ZNF346: variants seen among roughly 807,000 people sequenced by gnomAD.
ZNF346 encodes double-stranded RNA-binding zinc finger protein JAZ.
Under a neutral mutation model 33.7 loss-of-function variants are expected in ZNF346, and 23 were observed. That is an observed-to-expected ratio of 0.68 (90% CI 0.49 to 0.97). ZNF346 has a LOEUF of 0.97. Ranked by LOEUF, ZNF346 falls within the 50% of genes least tolerant of loss-of-function variation. The pLI, the probability that ZNF346 is intolerant of heterozygous loss-of-function variation, is 0.00. For synonymous variants in ZNF346, 134 were observed against 142.4 expected (o/e 0.94, Z 0.42); for missense variants, 340 against 371.1 (o/e 0.92, Z 0.69).
At chr5:177,030,013 T>C (rs1004680563) in intron 1 of ZNF346, among the ~76,000 whole-genome samples, 1 of 152,168 alleles carries the variant, frequency 6.6e-6, no homozygotes, top group Non-Finnish European at 1.5e-5. Flanking sequence ...ATTGAGTGCT[T>C]GGTTTCTGGG....
chr5:177,022,861 G>A lies in ZNF346; in HGVS notation c.123G>A (p.Ala41=). Reference sequence around the variant, plus strand: ...GGGTGCGCTTTGACCGCGAGAGGGCGCGCCGCCTGTGGGAAGCCGTGTCCG... The same window carrying A: ...GGGTGCGCTTTGACCGCGAGAGGGCACGCCGCCTGTGGGAAGCCGTGTCCG... The part of the protein sequence containing the change: ...PDGVRFDRER[A]RRLWEAVSGA... Residue 41 remains alanine (A), a synonymous_variant, in exon 1 of 7, where the codon GCG becomes GCA. Coordinates refer to ENST00000358149, the MANE Select transcript of ZNF346 (RefSeq NM_012279.4). The A allele has an allele frequency of 6.5e-7, 1 of 1,527,472 alleles. No homozygotes were observed. The highest frequency in any genetic ancestry group is 1.2e-5 in the South Asian group (1 of 81,500). 94.6% of individuals were successfully genotyped at this position (1,527,472 alleles called of 1,614,324 possible).
intron 5 of ZNF346, chr5:177,052,655 G>A: frequency 6.6e-6 from 1 of 152,196 alleles, no homozygotes. Context: ...CCTATCAGCA[G>A]AATTTAGACC....
At chr5:177,036,652 A>G (rs1430162834) in intron 1 of ZNF346, among the ~76,000 whole-genome samples, 2 of 152,084 alleles carry the variant, frequency 1.3e-5, no homozygotes, top group Non-Finnish European at 2.9e-5. Flanking sequence ...AACCATGAGC[A>G]CACCTCCGGC....
intron 5 of ZNF346, among the ~76,000 whole-genome samples, chr5:177,059,164 A>G (rs769557433): frequency 1.3e-4 from 20 of 152,248 alleles, no homozygotes; most frequent in Non-Finnish European, 2.6e-4. Flanking sequence ...GGCTTGGGCT[A>G]GGTGCTCTCA....
At chr5:177,057,612 C>T (rs895970868) in intron 5 of ZNF346, among the ~76,000 whole-genome samples, 9 of 151,696 alleles carry the variant, frequency 5.9e-5, no homozygotes, top group African/African-American at 2.2e-4. Flanking sequence ...GTGGTGTGCA[C>T]CTGTAATCCC....
chr5:177,028,041 T>A (rs1777062951), intron 1 of ZNF346, among the ~76,000 whole-genome samples: 1 of 8,936 alleles, frequency 1.1e-4, no homozygotes, highest in African/African-American at 3.8e-4. Flanking sequence ...CTTGTGTCAC[T>A]TTTTTTTTTT....
downstream of ZNF346, among the ~76,000 whole-genome samples, chr5:177,070,772 G>A (rs371454321): frequency 2.6e-3 from 390 of 152,064 alleles, 2 homozygotes; most frequent in Middle Eastern, 0.017. Flanking sequence ...TCAGTAATCC[G>A]GTCTGACTGA....
Position 177,065,182 on chromosome 5 carries a change from C to G in ZNF346, c.*583C>G, listed in dbSNP as rs1464264603. ...CCAACTGTGAAGTATCCTCCTGGAG[C>G]AGTGACACAATCTTGGCGGAGCATT... On this transcript the variant is annotated 3_prime_UTR_variant, in exon 7 of 7. Transcript: ENST00000358149. The G allele has an allele frequency of 6.5e-6, 1 of 153,606 alleles. No individual in the cohort carries two copies. The highest frequency in any genetic ancestry group is 1.5e-5 in the Non-Finnish European group (1 of 68,818). 9.5% of individuals were successfully genotyped at this position (153,606 alleles called of 1,614,324 possible).
At chr5:177,028,222 A>G (rs1384875584) in intron 1 of ZNF346, among the ~76,000 whole-genome samples, 1 of 149,676 alleles carries the variant, frequency 6.7e-6, no homozygotes, top group Non-Finnish European at 1.5e-5. Flanking sequence ...TATTTTTAGT[A>G]GAGACGGGGT....
At chr5:177,071,030 C>G (rs1048466893), downstream of ZNF346, among the ~76,000 whole-genome samples, 2 of 152,200 alleles carry the variant, frequency 1.3e-5, no homozygotes, top group South Asian at 2.1e-4. Flanking sequence ...AACAACCCAC[C>G]AGTGCAGACA....
At chr5:177,070,138 A>G (rs1383191846), downstream of ZNF346, among the ~76,000 whole-genome samples, 1 of 152,228 alleles carries the variant, frequency 6.6e-6, no homozygotes, top group Non-Finnish European at 1.5e-5. Context: ...ACAGTTTTCC[A>G]AAGTGGCTCT....
intron 1 of ZNF346, among the ~76,000 whole-genome samples, chr5:177,032,657 C>T (rs1290983290): frequency 2.6e-5 from 4 of 152,106 alleles, no homozygotes; most frequent in Non-Finnish European, 5.9e-5. Context: ...GTGATCCGCC[C>T]GCCTCGGCCT....
rs537198422 is a variant in ZNF346 at position 177,046,534 on chromosome 5, A to G, written c.517+2001A>G. On this transcript the variant is annotated intron_variant, in intron 4 of 6. Transcript: ENST00000358149. The stretch of plus-strand genomic sequence containing the variant: ...AATTTTACAGCTTAAGCACATTTCC[A>G]TGTTATTACACAACTTTATAACTAT... Among the ~76,000 whole-genome samples the G allele has an allele frequency of 3.2e-4, 48 of 152,250 alleles. 1 individual carries two copies. Among genetic ancestry groups the G allele is most frequent in the African/African-American group, 1.1e-3 (47 of 41,544 alleles).
chr5:177,045,330 C>T (rs1779891252), intron 4 of ZNF346, among the ~76,000 whole-genome samples: 1 of 152,014 alleles, frequency 6.6e-6, no homozygotes, highest in Non-Finnish European at 1.5e-5. Flanking sequence ...TTTTGGAAGC[C>T]TTCAAAGGTA....
At chr5:177,023,109 C>T in intron 1 of ZNF346, 196 bp downstream of exon 1, 1 of 1,471,026 alleles carries the variant, frequency 6.8e-7, no homozygotes, top group South Asian at 1.2e-5. Context: ...TGAAGGGCCG[C>T]TCACGCTCAG....
At chr5:177,046,956 G>A (rs1165204017) in intron 4 of ZNF346, among the ~76,000 whole-genome samples, 1 of 152,008 alleles carries the variant, frequency 6.6e-6, no homozygotes, top group Non-Finnish European at 1.5e-5. Context: ...CTGTTAATAT[G>A]TTGGTGATGT....
rs1331508929 is a variant in ZNF346, at chr5:177,064,832, G to A, written c.*233G>A. 8 of 516,112 alleles carry A rather than the reference G, an allele frequency of 1.6e-5. No homozygotes were observed. The highest frequency in any genetic ancestry group is 2.1e-5 in the Non-Finnish European group (6 of 288,596). 32.0% of individuals were successfully genotyped at this position (516,112 alleles called of 1,614,324 possible). ...GGAGGCAAGGGTATTGAGAGACTCGGGGTCTCGCGGGGTGGTAGTTTGGAG... is the reference window on the plus strand; with the variant it reads ...GGAGGCAAGGGTATTGAGAGACTCGAGGTCTCGCGGGGTGGTAGTTTGGAG... On this transcript the variant is annotated 3_prime_UTR_variant, in exon 7 of 7. Coordinates refer to ENST00000358149, the MANE Select transcript of ZNF346 (RefSeq NM_012279.4).
intron 1 of ZNF346, among the ~76,000 whole-genome samples, chr5:177,036,216 C>T (rs1778491276): frequency 6.6e-6 from 1 of 152,174 alleles, no homozygotes; most frequent in Non-Finnish European, 1.5e-5. Context: ...GTCAGGAACT[C>T]TCCATGTGGT....
At chr5:177,075,612 G>A (rs1783710877) in intron 8 of ZNF346, among the ~76,000 whole-genome samples, 1 of 152,158 alleles carries the variant, frequency 6.6e-6, no homozygotes. Context: ...GATCTCCTGG[G>A]CTCAAACAGT....
Sources: allele counts gnomAD v4.1 joint callset (sites outside exome capture counted in the v4.1 genomes callset), GRCh38; gene constraint gnomAD v4.1.1; transcripts MANE v1.5; gene names NCBI Gene and HGNC (gene_info 2026-07-23, HGNC 2026-07-21).